PCDHA13: variants seen among roughly 807,000 people sequenced by gnomAD.
The protein encoded by PCDHA13 is protocadherin alpha 13, also known as protocadherin alpha-13.
PCDHA13 carries 54 observed loss-of-function variants against 64.8 expected under a neutral mutation model. That is an observed-to-expected ratio of 0.83 (90% CI 0.67 to 1.04). PCDHA13 has a LOEUF of 1.04. Ranked by LOEUF, PCDHA13 falls within the 50% of genes least tolerant of loss-of-function variation. The probability of loss-of-function intolerance (pLI) is 0.00; values close to 1 mark genes in which losing one functional copy is unlikely to be tolerated. For synonymous variants in PCDHA13, 587 were observed against 564.4 expected (o/e 1.04, Z -0.57); for missense variants, 1,248 against 1,254.3 (o/e 0.99, Z 0.08).
At chr5:140,927,848 G>C (rs1295513512) in intron 1 of PCDHA13, 1 of 1,614,180 alleles carries the variant, frequency 6.2e-7, no homozygotes, top group African/African-American at 1.3e-5. Flanking sequence ...GGTGTCTTTG[G>C]TTTAGCTAGC....
intron 1 of PCDHA13, among the ~76,000 whole-genome samples, chr5:140,890,160 C>T (rs1554184178): frequency 1.3e-5 from 2 of 152,246 alleles, no homozygotes; most frequent in East Asian, 3.9e-4. Context: ...AGTATTTCTG[C>T]CACAGAAATA....
At chr5:140,915,589 T>C (rs1398530314) in intron 1 of PCDHA13, among the ~76,000 whole-genome samples, 1 of 151,900 alleles carries the variant, frequency 6.6e-6, no homozygotes, top group African/African-American at 2.4e-5. Context: ...AAAGCACTTG[T>C]TCTTTTCCCT....
chr5:140,963,850 A>T (rs2095793640), intron 1 of PCDHA13, among the ~76,000 whole-genome samples: 1 of 152,244 alleles, frequency 6.6e-6, no homozygotes. Flanking sequence ...TAATCATAAT[A>T]ATAACCGTAT....
chr5:140,931,395 C>T lies in PCDHA13; in HGVS notation c.2394+46733C>T, dbSNP rs141099105. Among the ~76,000 whole-genome samples the T allele has an allele frequency of 5.8e-3, 884 of 151,620 alleles. 4 individuals carry two copies. The highest frequency in any genetic ancestry group is 0.021 in the African/African-American group (851 of 41,384). ...AGACTAGAAAGGAAACATAAGTAAG[C>T]GATAGGAAGGCTGATGAATCTAGAA... On this transcript the variant is annotated intron_variant, in intron 1 of 3. Coordinates refer to ENST00000289272, the MANE Select transcript of PCDHA13 (RefSeq NM_018904.3).
At chr5:141,005,440 A>C (rs1174431656) in intron 3 of PCDHA13, among the ~76,000 whole-genome samples, 3 of 152,112 alleles carry the variant, frequency 2.0e-5, no homozygotes, top group African/African-American at 7.2e-5. Flanking sequence ...TGAGAGGCTC[A>C]CGCCTGTAAT....
In PCDHA13 at chr5:140,924,786, T is replaced by G. The variant is rs2082007959; in HGVS notation, c.2394+40124T>G. Reference sequence around the variant, plus strand: ...GGTGCGCGCTTGTAGTCCTAGCTACTTAGGAGGCTGAGGCAAGAGAATCGC... The same window carrying G: ...GGTGCGCGCTTGTAGTCCTAGCTACGTAGGAGGCTGAGGCAAGAGAATCGC... On this transcript the variant is annotated intron_variant, in intron 1 of 3. Coordinates refer to ENST00000289272, the MANE Select transcript of PCDHA13 (RefSeq NM_018904.3). Among the ~76,000 whole-genome samples the G allele has an allele frequency of 4.6e-5, 7 of 151,720 alleles. No homozygotes were observed. In the South Asian group the frequency reaches 1.2e-3, roughly 27 times the overall value.
intron 1 of PCDHA13, among the ~76,000 whole-genome samples, chr5:140,889,326 G>A (rs2062188363): frequency 6.6e-6 from 1 of 151,922 alleles, no homozygotes; most frequent in African/African-American, 2.4e-5. Flanking sequence ...TCTGTATCAG[G>A]ATTTTGATTG....
intron 1 of PCDHA13, chr5:140,967,210 C>T (rs146322183): frequency 1.4e-4 from 231 of 1,613,674 alleles, no homozygotes; most frequent in Admixed American, 5.0e-4. Flanking sequence ...CACCGCGTTT[C>T]CCGCGGCCCA....
chr5:140,974,577 T>C (rs2096632640), intron 1 of PCDHA13, among the ~76,000 whole-genome samples: 1 of 152,200 alleles, frequency 6.6e-6, no homozygotes, highest in South Asian at 2.1e-4. Flanking sequence ...AATGGCATGA[T>C]CTTGGCTCAC....
intron 1 of PCDHA13, chr5:140,928,931 A>G: frequency 1.9e-6 from 3 of 1,614,150 alleles, no homozygotes; most frequent in Non-Finnish European, 2.5e-6. Flanking sequence ...CTTTCTGCCC[A>G]GAACTTGTAT....
chr5:141,009,732 A>G lies in PCDHA13; in HGVS notation c.2648A>G (p.Glu883Gly). ...AACCCCAAACAATCCGGTCCCGGTG[A>G]GTTGCCCGACAAATTCATTATCCCA... is the stretch of plus-strand genomic sequence containing the variant. Reference protein sequence around the residue: ...PGNPKQSGPGELPDKFIIPGS... With the variant: ...PGNPKQSGPGGLPDKFIIPGS... Residue 883 changes from glutamate to glycine, a missense_variant, in exon 4 of 4, where the codon GAG becomes GGG. Transcript: ENST00000289272. The G allele has an allele frequency of 6.2e-7, 1 of 1,614,168 alleles. No individual in the cohort carries two copies. Among genetic ancestry groups the G allele is most frequent in the Non-Finnish European group, 8.5e-7 (1 of 1,180,032 alleles).
rs529585383 is a variant in PCDHA13 at position 140,982,571 on chromosome 5, G to T, written c.2542+8G>T. 243 of 1,613,888 alleles carry T rather than the reference G, an allele frequency of 1.5e-4. 4 individuals carry two copies. The South Asian group carries it at 2.5e-3, about 17-fold the overall frequency. ...TATCCAGTGCAACACCAGGTAAAGAGCTGGGGTCTCTCCATTCTTTCTTGG... is the reference window on the plus strand; with the variant it reads ...TATCCAGTGCAACACCAGGTAAAGATCTGGGGTCTCTCCATTCTTTCTTGG... On this transcript the variant is annotated splice_region_variant and intron_variant, in intron 3 of 3. Transcript: ENST00000289272.
rs149795080 is a variant in PCDHA13 at position 140,995,000 on chromosome 5, T to C, written c.2542+12437T>C. Among the ~76,000 whole-genome samples the C allele has an allele frequency of 1.7e-3, 261 of 152,326 alleles. 1 individual carries two copies. The highest frequency in any genetic ancestry group is 6.1e-3 in the African/African-American group (253 of 41,578). ...GAGACCCACTAGAAGGTTAGTTGGTTTGTTTATATTTAGGAAAGAAGATTC... is the reference window on the plus strand; with the variant it reads ...GAGACCCACTAGAAGGTTAGTTGGTCTGTTTATATTTAGGAAAGAAGATTC... On this transcript the variant is annotated intron_variant, in intron 3 of 3. Transcript: ENST00000289272.
intron 1 of PCDHA13, among the ~76,000 whole-genome samples, chr5:140,936,049 C>A (rs1185871662): frequency 1.3e-5 from 2 of 151,974 alleles, no homozygotes; most frequent in African/African-American, 2.4e-5. Context: ...CCCACCACCA[C>A]ACCCGGCTAA....
chr5:140,997,668 T>TTGTGTGTGTGTGTGTG (rs35184029), intron 3 of PCDHA13, among the ~76,000 whole-genome samples: 13 of 148,244 alleles, frequency 8.8e-5, no homozygotes, highest in African/African-American at 2.2e-4. Flanking sequence ...ATTATACAGC[T>TTGTGTGTGTGTGTGTG]TGTGTGTGTG....
chr5:140,985,430 A>T lies in PCDHA13; in HGVS notation c.2542+2867A>T, dbSNP rs1158797076. ...GGAAATGGAGTGAGGAGGATTTATT[A>T]GTTGCTGCCTGAAGAAAAGGGAAAT... On this transcript the variant is annotated intron_variant, in intron 3 of 3. Transcript: ENST00000289272. Among the ~76,000 whole-genome samples the T allele has an allele frequency of 2.6e-5, 4 of 152,186 alleles. 1 individual carries two copies. Among genetic ancestry groups the T allele is most frequent in the Non-Finnish European group, 5.9e-5 (4 of 68,036 alleles).
intron 1 of PCDHA13, among the ~76,000 whole-genome samples, chr5:140,959,381 A>G (rs2095484925): frequency 6.6e-6 from 1 of 152,190 alleles, no homozygotes; most frequent in African/African-American, 2.4e-5. Flanking sequence ...CTCAAAAAAA[A>G]AAGTCACAAA....
At chr5:140,958,135 G>T (rs868969031) in intron 1 of PCDHA13, among the ~76,000 whole-genome samples, 3 of 152,036 alleles carry the variant, frequency 2.0e-5, no homozygotes, top group Non-Finnish European at 4.4e-5. Context: ...GTATCAGTGT[G>T]TATATTTATA....
intron 3 of PCDHA13, among the ~76,000 whole-genome samples, chr5:140,988,219 G>C (rs976112285): frequency 1.3e-5 from 2 of 152,132 alleles, no homozygotes; most frequent in African/African-American, 2.4e-5. Flanking sequence ...AAAAAAATGA[G>C]ATCAGGGATC....
Sources: allele counts gnomAD v4.1 joint callset (sites outside exome capture counted in the v4.1 genomes callset), GRCh38; gene constraint gnomAD v4.1.1; transcripts MANE v1.5; gene names NCBI Gene and HGNC (gene_info 2026-07-23, HGNC 2026-07-21).